Variants in PRDM5 observed in about 807,000 individuals in gnomAD.
The protein encoded by PRDM5 is PR/SET domain 5.
Under a neutral mutation model 81.2 loss-of-function variants are expected in PRDM5, and 56 were observed. That is an observed-to-expected ratio of 0.69 (90% confidence interval 0.56 to 0.86). The LOEUF is 0.86. Ranked by LOEUF, PRDM5 falls within the 40% of genes least tolerant of loss-of-function variation. The pLI is 0.00. For synonymous variants in PRDM5, 267 were observed against 256.4 expected, an observed-to-expected ratio of 1.04 and a Z score of -0.39; for missense variants, 697 against 770.1, an observed-to-expected ratio of 0.91 and a Z score of 1.12.
At chr4:120,869,225 A>G (rs763010202) in intron 2 of PRDM5, among the ~76,000 whole-genome samples, 6 of 152,228 alleles carry the variant, frequency 3.9e-5, no homozygotes, top group Non-Finnish European at 7.3e-5. Context: ...TAGGGCAAGG[A>G]AATTATAGAC....
intron 14 of PRDM5, among the ~76,000 whole-genome samples, chr4:120,745,538 G>A (rs1349289527): frequency 8.0e-5 from 12 of 149,634 alleles, no homozygotes; most frequent in East Asian, 3.9e-4. Flanking sequence ...AAACCCCATC[G>A]TCTCAGCCCA....
At chr4:120,716,478 G>A (rs991996967) in intron 14 of PRDM5, among the ~76,000 whole-genome samples, 2 of 152,050 alleles carry the variant, frequency 1.3e-5, no homozygotes, top group Non-Finnish European at 2.9e-5. Flanking sequence ...GCACATGAAG[G>A]CCCCACGAGC....
At chr4:120,754,280 C>A (rs987348410) in intron 14 of PRDM5, among the ~76,000 whole-genome samples, 21 of 152,206 alleles carry the variant, frequency 1.4e-4, no homozygotes, top group African/African-American at 4.8e-4. Flanking sequence ...ATTTTAAAAT[C>A]TATTTATCTT....
chr4:120,857,776 C>T (rs1760051960), intron 2 of PRDM5, among the ~76,000 whole-genome samples: 2 of 152,156 alleles, frequency 1.3e-5, no homozygotes, highest in Admixed American at 1.3e-4. Context: ...TTTCCCTAAA[C>T]TTAAATATTT....
intron 8 of PRDM5, among the ~76,000 whole-genome samples, chr4:120,800,386 A>G (rs1475630248): frequency 6.6e-6 from 1 of 152,096 alleles, no homozygotes; most frequent in Non-Finnish European, 1.5e-5. Flanking sequence ...GTGTGATGAC[A>G]TACGTCTGTG....
chr4:120,751,795 G>A (rs58663639), intron 14 of PRDM5, among the ~76,000 whole-genome samples: 5,433 of 152,192 alleles, frequency 0.036, 319 homozygotes, highest in African/African-American at 0.12. Context: ...TGTTCCTTTT[G>A]GAAAGCATTC....
intron 12 of PRDM5, 71 bp downstream of exon 12, chr4:120,781,072 G>A: frequency 7.8e-7 from 1 of 1,277,192 alleles, no homozygotes; most frequent in African/African-American, 1.5e-5. Context: ...ATTATCACAT[G>A]TTAGTTAACA....
At chr4:120,907,371 T>C (rs1765934731) in intron 2 of PRDM5, 103 bp downstream of exon 2, 2 of 1,014,586 alleles carry the variant, frequency 2.0e-6, no homozygotes, top group Non-Finnish European at 3.0e-6. Context: ...TTTCAATACT[T>C]AAATACTTAA....
At chr4:120,834,015 T>A (rs899597491) in intron 3 of PRDM5, among the ~76,000 whole-genome samples, 2 of 152,222 alleles carry the variant, frequency 1.3e-5, no homozygotes, top group African/African-American at 4.8e-5. Context: ...AGATTTATGC[T>A]ATAAAAAGCA....
At chr4:120,891,497 A>T (rs895679322) in intron 2 of PRDM5, among the ~76,000 whole-genome samples, 3 of 151,952 alleles carry the variant, frequency 2.0e-5, no homozygotes, top group Admixed American at 6.6e-5. Flanking sequence ...AGACCCTTTG[A>T]TCTTCTGTAT....
chr4:120,804,949 G>A lies in PRDM5; in HGVS notation c.946-5204C>T, dbSNP rs576165316. On this transcript the variant is annotated intron_variant, in intron 8 of 15. Coordinates refer to ENST00000264808, the MANE Select transcript of PRDM5 (RefSeq NM_018699.4). The stretch of plus-strand genomic sequence containing the variant: ...AGAAGATCAACAAAATTAATAGACC[G>A]CTAGCAAGACTAATAAAGAAGAAAA... Among the ~76,000 whole-genome samples, 8 of 151,880 alleles carry A rather than the reference G, an allele frequency of 5.3e-5. No individual in the cohort carries two copies. In the East Asian group the frequency reaches 5.8e-4, roughly 11 times the overall value.
intron 3 of PRDM5, among the ~76,000 whole-genome samples, chr4:120,847,613 A>C (rs1165463134): frequency 6.6e-6 from 1 of 152,186 alleles, no homozygotes; most frequent in African/African-American, 2.4e-5. Flanking sequence ...TGACCCTTAC[A>C]AATTGTATAA....
intron 8 of PRDM5, among the ~76,000 whole-genome samples, chr4:120,804,119 G>A (rs540566292): frequency 5.9e-5 from 9 of 152,160 alleles, no homozygotes; most frequent in African/African-American, 2.2e-4. Flanking sequence ...ATTACATAAC[G>A]ATAAAGGGAT....
intron 13 of PRDM5, among the ~76,000 whole-genome samples, chr4:120,774,346 C>T (rs946010287): frequency 6.6e-6 from 1 of 152,218 alleles, no homozygotes; most frequent in Non-Finnish European, 1.5e-5. Context: ...CCATAAATTG[C>T]TACACCTAGC....
At chr4:120,816,639 A>T (rs1173798201) in intron 6 of PRDM5, 65 bp from the exon 7 acceptor site, 3 of 1,604,706 alleles carry the variant, frequency 1.9e-6, no homozygotes, top group African/African-American at 2.7e-5. Flanking sequence ...AAACTCAAAC[A>T]TCAGCAAGAT....
intron 12 of PRDM5, among the ~76,000 whole-genome samples, chr4:120,779,117 C>T (rs1221298459): frequency 6.6e-6 from 1 of 151,950 alleles, no homozygotes; most frequent in Non-Finnish European, 1.5e-5. Flanking sequence ...TGGTTCCAAA[C>T]TGAAGAAGTT....
chr4:120,711,298 G>T (rs1201738764), intron 14 of PRDM5, among the ~76,000 whole-genome samples: 13 of 152,110 alleles, frequency 8.5e-5, no homozygotes, highest in Middle Eastern at 3.4e-3. Context: ...TGTGATTTAT[G>T]TATTTCCTTT....
chr4:120,790,623 T>C (rs1750424520), intron 10 of PRDM5, among the ~76,000 whole-genome samples: 1 of 152,182 alleles, frequency 6.6e-6, no homozygotes, highest in South Asian at 2.1e-4. Flanking sequence ...GGAGCAATTT[T>C]AGTCCTATGA....
chr4:120,699,519 A>G (rs1227021942), intron 15 of PRDM5, among the ~76,000 whole-genome samples: 1 of 152,128 alleles, frequency 6.6e-6, no homozygotes, highest in African/African-American at 2.4e-5. Flanking sequence ...CTGTCAGCCA[A>G]CCAGCACCAA....
Sources: allele counts gnomAD v4.1 joint callset (sites outside exome capture counted in the v4.1 genomes callset), GRCh38; gene constraint gnomAD v4.1.1; transcripts MANE v1.5; gene names NCBI Gene and HGNC (gene_info 2026-07-23, HGNC 2026-07-21).